GALNT17: variants seen among roughly 807,000 people sequenced by gnomAD.
The protein encoded by GALNT17 is polypeptide N-acetylgalactosaminyltransferase 17.
Under a neutral mutation model 63.7 loss-of-function variants are expected in GALNT17, and 29 were observed. That is an observed-to-expected ratio of 0.46 (90% CI 0.34 to 0.62). The LOEUF (loss-of-function observed/expected upper bound fraction) is 0.62. Ranked by LOEUF, GALNT17 falls within the 20% of genes least tolerant of loss-of-function variation. The probability of loss-of-function intolerance (pLI) is 0.01; values close to 1 mark genes in which losing one functional copy is unlikely to be tolerated. For synonymous variants in GALNT17, 305 were observed against 318.3 expected, an observed-to-expected ratio of 0.96 and a Z score of 0.45; for missense variants, 603 against 799.6, an observed-to-expected ratio of 0.75 and a Z score of 2.97.
At chr7:71,273,947 A>G (rs1332786081) in intron 1 of GALNT17, among the ~76,000 whole-genome samples, 3 of 152,170 alleles carry the variant, frequency 2.0e-5, no homozygotes, top group Non-Finnish European at 4.4e-5. Context: ...TTAGAGACTC[A>G]TTTCAGGGAT....
intron 1 of GALNT17, among the ~76,000 whole-genome samples, chr7:71,158,362 C>T (rs1464653234): frequency 2.6e-5 from 4 of 151,300 alleles, no homozygotes; most frequent in African/African-American, 9.8e-5. Flanking sequence ...CCCAAGCCTT[C>T]ATCTTTCTCC....
chr7:71,594,816 C>T (rs1760403843), intron 6 of GALNT17, among the ~76,000 whole-genome samples: 1 of 152,060 alleles, frequency 6.6e-6, no homozygotes, highest in Non-Finnish European at 1.5e-5. Flanking sequence ...CTCCTGTGCA[C>T]CAGGAATTCA....
intron 5 of GALNT17, among the ~76,000 whole-genome samples, chr7:71,522,504 G>GCAAAA (rs1338888337): frequency 9.9e-5 from 15 of 152,264 alleles, no homozygotes; most frequent in Admixed American, 2.0e-4. Flanking sequence ...TGAATGCCAT[G>GCAAAA]CAAAACAGGT....
intron 9 of GALNT17, among the ~76,000 whole-genome samples, chr7:71,678,974 A>AT (rs1791194674): frequency 6.6e-6 from 1 of 150,474 alleles, no homozygotes; most frequent in South Asian, 2.1e-4. Context: ...AAAAAAAAAA[A>AT]GTCAAATGCG....
chr7:71,227,591 C>T (rs575232655), intron 1 of GALNT17, among the ~76,000 whole-genome samples: 1 of 152,050 alleles, frequency 6.6e-6, no homozygotes, highest in Non-Finnish European at 1.5e-5. Flanking sequence ...ATCCCTCCTA[C>T]CCCCCTTGCT....
intron 1 of GALNT17, among the ~76,000 whole-genome samples, chr7:71,134,995 G>C (rs989657970): frequency 2.6e-5 from 4 of 151,954 alleles, no homozygotes; most frequent in Non-Finnish European, 5.9e-5. Flanking sequence ...GGGTCTACAA[G>C]TGTGCATCAC....
At position 71,210,214 on chromosome 7, in the gene GALNT17, T is replaced by C. The variant is rs180814107; in HGVS notation, c.238+77174T>C. 1.7e-3 allele frequency among the ~76,000 whole-genome samples: 260 copies of C among 152,254 alleles called. 1 individual carries two copies. The highest frequency in any genetic ancestry group is 3.2e-3 in the Non-Finnish European group (218 of 68,020). On this transcript the variant is annotated intron_variant, in intron 1 of 10. Transcript: ENST00000333538. ...TGAGACTTATTCACTATCACAAGAATAGCATGGGAAAGACTGGCCCCCATG... is the reference window on the plus strand; with the variant it reads ...TGAGACTTATTCACTATCACAAGAACAGCATGGGAAAGACTGGCCCCCATG...
intron 2 of GALNT17, among the ~76,000 whole-genome samples, chr7:71,366,156 G>A (rs1429823433): frequency 6.6e-6 from 1 of 152,132 alleles, no homozygotes; most frequent in Non-Finnish European, 1.5e-5. Context: ...GGGAGAGGCT[G>A]TAAATACAGA....
chr7:71,268,136 T>A (rs1281181779), intron 1 of GALNT17, among the ~76,000 whole-genome samples: 1 of 152,046 alleles, frequency 6.6e-6, no homozygotes. Context: ...AAGGAAAAGA[T>A]GAGTTAATGG....
intron 1 of GALNT17, chr7:71,300,410 C>G: frequency 2.2e-6 from 1 of 456,290 alleles, no homozygotes. Context: ...GTCTTCCCTC[C>G]TGTGTCCCTC....
At chr7:71,320,290 GC>G (rs1472947442) in intron 1 of GALNT17, among the ~76,000 whole-genome samples, 1 of 151,938 alleles carries the variant, frequency 6.6e-6, no homozygotes, top group Non-Finnish European at 1.5e-5. Context: ...AGGCTAGAGT[GC>G]AGTGGCACAA....
At position 71,710,291 on chromosome 7, in the gene GALNT17, C is replaced by T. The variant is rs1270727693; in HGVS notation, c.1501-470C>T. 7.2e-5 allele frequency among the ~76,000 whole-genome samples: 11 copies of T among 152,140 alleles called. No homozygotes were observed. In the South Asian group the frequency reaches 1.0e-3, roughly 14 times the overall value. ...TTGAGAAGCCGAGGTGGGCAGATCA[C>T]GAGGTCAGGAGTTCGAGACCAGCCT... On this transcript the variant is annotated intron_variant, in intron 9 of 10. Transcript: ENST00000333538.
intron 1 of GALNT17, among the ~76,000 whole-genome samples, chr7:71,209,910 ATATTTATT>A (rs146339555): frequency 4.6e-4 from 70 of 151,652 alleles, no homozygotes; most frequent in African/African-American, 1.5e-3. Context: ...AGATGTTGTG[ATATTTATT>A]TATTTATTTA....
intron 3 of GALNT17, among the ~76,000 whole-genome samples, chr7:71,415,277 C>T (rs1793504688): frequency 6.6e-6 from 1 of 152,128 alleles, no homozygotes; most frequent in Admixed American, 6.6e-5. Context: ...AAGATTATGT[C>T]TTCATTTGCA....
At chr7:71,540,752 T>C (rs1788876036) in intron 5 of GALNT17, among the ~76,000 whole-genome samples, 1 of 152,192 alleles carries the variant, frequency 6.6e-6, no homozygotes, top group Admixed American at 6.5e-5. Flanking sequence ...GTTATATGTA[T>C]GTAATTCACA....
At chr7:71,508,295 G>A (rs1044080820) in intron 5 of GALNT17, among the ~76,000 whole-genome samples, 1 of 152,216 alleles carries the variant, frequency 6.6e-6, no homozygotes, top group African/African-American at 2.4e-5. Context: ...CATGTCTGTT[G>A]CAATTACGTG....
rs200574411 is a variant in GALNT17 at position 71,217,140 on chromosome 7, G to GTTTTTTTTTTTTTTTTTTTTTTTTTT, written c.238+84104_238+84105insTTTTTTTTTTTTTTTTTTTTTTTTTT. On this transcript the variant is annotated intron_variant, in intron 1 of 10. Transcript: ENST00000333538. ...CACCATGCACAGCTAATTTTTTCGT[G>GTTTTTTTTTTTTTTTTTTTTTTTTTT]TTTTGTTTTTTTTTTTTTTTTTTTT... Among the ~76,000 whole-genome samples the GTTTTTTTTTTTTTTTTTTTTTTTTTT allele has an allele frequency of 4.2e-5, 4 of 95,216 alleles. 1 individual carries two copies. Among genetic ancestry groups the GTTTTTTTTTTTTTTTTTTTTTTTTTT allele is most frequent in the Non-Finnish European group, 8.4e-5 (4 of 47,632 alleles). 62.5% of individuals were successfully genotyped at this position (95,216 alleles called of 152,430 possible). A position where few individuals can be genotyped will look rare whatever the true frequency, so the allele number is the denominator to read the frequency against.
At chr7:71,608,959 TTGGTAGCGATGGGGTCCTG>T (rs1790085756) in intron 6 of GALNT17, among the ~76,000 whole-genome samples, 1 of 146,524 alleles carries the variant, frequency 6.8e-6, no homozygotes, top group African/African-American at 2.5e-5. Flanking sequence ...TTTTTTTTTT[TTGGTAGCGATGGGGTCCTG>T]TTTTGTTGCC....
At chr7:71,380,482 G>A (rs1792824597) in intron 2 of GALNT17, among the ~76,000 whole-genome samples, 1 of 151,784 alleles carries the variant, frequency 6.6e-6, no homozygotes, top group South Asian at 2.1e-4. Context: ...ACCACACCCG[G>A]CTAATTTTTT....
Sources: allele counts gnomAD v4.1 joint callset (sites outside exome capture counted in the v4.1 genomes callset), GRCh38; gene constraint gnomAD v4.1.1; transcripts MANE v1.5; gene names NCBI Gene and HGNC (gene_info 2026-07-23, HGNC 2026-07-21).